The following TRMT112 variants were observed in gnomAD, a reference collection of about 807,000 sequenced individuals.
The protein encoded by TRMT112 is multifunctional methyltransferase subunit TRM112-like protein.
A neutral mutation model predicts 13.8 loss-of-function variants in TRMT112; 9 were observed. That is an observed-to-expected ratio of 0.65 (90% CI 0.39 to 1.14). The LOEUF (loss-of-function observed/expected upper bound fraction) is 1.14, where lower values mean the gene tolerates loss of function less well. Ranked by LOEUF, TRMT112 falls within the 50% of genes most tolerant of loss-of-function variation. The pLI is 0.01. For synonymous variants in TRMT112, 64 were observed against 67.0 expected (o/e 0.96, Z 0.22); for missense variants, 196 against 165.5 (o/e 1.18, Z -1.01).
At position 64,317,463 on chromosome 11, in the gene TRMT112, G is replaced by A; in HGVS notation, c.64C>T (p.Pro22Ser). 2 of 1,610,074 alleles carry A rather than the reference G, an allele frequency of 1.2e-6. No homozygotes were observed. Among genetic ancestry groups the A allele is most frequent in the Non-Finnish European group, 8.5e-7 (1 of 1,178,048 alleles). Residue 22 changes from proline (P) to serine (S), a missense_variant, in exon 1 of 4, where the codon CCC becomes TCC. Physicochemically the swap from Pro to Ser is moderately conservative, Grantham distance 74. Transcript: ENST00000544844. ...HVRGVGSRGF[P>S]LRLQATEVRI... ...CCGGCGGGTACCTGGAGGCGCAGGG[G>A]GAAGCCACGGGACCCCACCCCCCGC...
intron 3 of TRMT112, 26 bp from the exon 4 acceptor site, chr11:64,316,994 A>G (rs763377962): frequency 1.2e-6 from 2 of 1,610,708 alleles, no homozygotes. Context: ...GACAGAGCTG[A>G]GCACTGGCAG....
At position 64,317,118 on chromosome 11, in the gene TRMT112, C is replaced by T. The variant is rs1042301615; in HGVS notation, c.210G>A (p.Pro70=). The T allele has an allele frequency of 1.2e-6, 2 of 1,614,172 alleles. No individual in the cohort carries two copies. Among genetic ancestry groups the T allele is most frequent in the African/African-American group, 1.3e-5 (1 of 75,028 alleles). ...NLRLIQVPKG[P]VEGYEENEEF... The stretch of plus-strand genomic sequence containing the variant: ...CCTCATTCTCCTCATATCCCTCAAC[C>T]GGCCCTTTCGGCACCTGGATCAGAC... The change falls in exon 3 of 4, where the codon CCG becomes CCA. Residue 70 remains proline, a synonymous_variant. Coordinates refer to ENST00000544844, the MANE Select transcript of TRMT112 (RefSeq NM_016404.3).
chr11:64,317,977 T>C (rs1003850845), upstream of TRMT112: 57 of 1,401,296 alleles, frequency 4.1e-5, no homozygotes, highest in Non-Finnish European at 4.4e-5. Context: ...TATATGCAAA[T>C]TAGCTGCTCC....
upstream of TRMT112, chr11:64,318,132 T>C: frequency 6.4e-7 from 1 of 1,564,702 alleles, no homozygotes; most frequent in Non-Finnish European, 8.6e-7. Context: ...TTCCGCAGGG[T>C]GTCGCCGCTG....
At position 64,316,589 on chromosome 11, in the gene TRMT112, T is replaced by G; in HGVS notation, c.*272A>C. 2.5e-6 allele frequency: 1 copy of G among 406,872 alleles called. No homozygotes were observed. The highest frequency in any genetic ancestry group is 4.5e-6 in the Non-Finnish European group (1 of 222,094). The allele number at this position is 406,872 out of a possible 1,614,324, so 25.2% of individuals were successfully genotyped here. A position where few individuals can be genotyped will look rare whatever the true frequency, so the allele number is the denominator to read the frequency against. ...CAATAACACTATATTTATTTTTGGG[T>G]TTGGCCAGGGAGGCGCAGGGACATG... On this transcript the variant is annotated 3_prime_UTR_variant, in exon 4 of 4. Transcript: ENST00000544844.
Position 64,317,486 on chromosome 11 carries a change from C to G in TRMT112, c.41G>C (p.Arg14Pro), listed in dbSNP as rs535716108. The G allele has an allele frequency of 3.2e-5, 51 of 1,605,922 alleles. No homozygotes were observed. Among genetic ancestry groups the G allele is most frequent in the Admixed American group, 2.5e-4 (15 of 58,848 alleles). ...LTHNLLSSHVRGVGSRGFPLR... is the reference protein window; with the variant it reads ...LTHNLLSSHVPGVGSRGFPLR... ...GGGGAAGCCACGGGACCCCACCCCC[C>G]GCACATGCGAGCTCAGCAGATTGTG... The change falls in exon 1 of 4, where the codon CGG (arginine) becomes CCG (proline). Residue 14 changes from arginine (R) to proline (P), a missense_variant. Coordinates refer to ENST00000544844, the MANE Select transcript of TRMT112 (RefSeq NM_016404.3).
At chr11:64,317,767 GC>G, upstream of TRMT112, 1 of 761,752 alleles carries the variant, frequency 1.3e-6, no homozygotes, top group Non-Finnish European at 2.0e-6. Flanking sequence ...GCTTTTTTTT[GC>G]CACAAATTCT....
intron 3 of TRMT112, 35 bp downstream of exon 3, chr11:64,317,023 G>A (rs777476927): frequency 1.3e-5 from 21 of 1,613,546 alleles, no homozygotes; most frequent in Middle Eastern, 1.6e-4. Flanking sequence ...CGGGAGGCAG[G>A]TGGCCCGGGA....
chr11:64,318,112 CA>C, upstream of TRMT112: 2 of 1,519,726 alleles, frequency 1.3e-6, no homozygotes, highest in Non-Finnish European at 1.8e-6. Flanking sequence ...GGAGGCGGCC[CA>C]GGCCCGCCTT....
At chr11:64,317,622 C>A, upstream of TRMT112, 2 of 1,314,858 alleles carry the variant, frequency 1.5e-6, no homozygotes, top group Non-Finnish European at 2.1e-6. Context: ...ATTGGATAGC[C>A]AGGAGAACCG....
chr11:64,317,210 G>T, intron 2 of TRMT112, 54 bp downstream of exon 2: 7 of 1,610,036 alleles, frequency 4.3e-6, no homozygotes, highest in Non-Finnish European at 5.9e-6. Context: ...CCCGGCTGAG[G>T]TGTGCCCGCC....
In TRMT112 at chr11:64,317,344, G is replaced by T. The variant is rs2035320350; in HGVS notation, c.100C>A (p.Pro34Thr). Residue 34 changes from proline (P) to threonine (T), a missense_variant, in exon 2 of 4, where the codon CCT (proline) becomes ACT (threonine). Transcript: ENST00000544844. The stretch of plus-strand genomic sequence containing the variant: ...ACGAAGTTGGGGTTGAATTCCACAG[G>T]GCAGATACGGACCTCGGTGGCCTGC... ...RLQATEVRICPVEFNPNFVAR... is the reference protein window; with the variant it reads ...RLQATEVRICTVEFNPNFVAR... 1.2e-6 allele frequency: 2 copies of T among 1,614,040 alleles called. No individual in the cohort carries two copies. The highest frequency in any genetic ancestry group is 1.3e-5 in the African/African-American group (1 of 74,922).
upstream of TRMT112, chr11:64,317,673 CTG>C (rs2035340821): frequency 1.1e-6 from 1 of 945,800 alleles, no homozygotes; most frequent in African/African-American, 1.7e-5. Context: ...TTTGTGGGAG[CTG>C]AGGTAGGTAG....
rs530548412 is a variant in TRMT112 at position 64,317,328 on chromosome 11, G to A, written c.116C>T (p.Pro39Leu). Reference protein sequence around the residue: ...EVRICPVEFNPNFVARMIPKV... With the variant: ...EVRICPVEFNLNFVARMIPKV... ...AGGTATCATACGCGCCACGAAGTTG[G>A]GGTTGAATTCCACAGGGCAGATACG... Residue 39 changes from proline (P) to leucine (L), a missense_variant, in exon 2 of 4, where the codon CCC (proline) becomes CTC (leucine). Transcript: ENST00000544844. 2 of 1,614,144 alleles carry A rather than the reference G, an allele frequency of 1.2e-6. No homozygotes were observed. The highest frequency in any genetic ancestry group is 1.1e-5 in the South Asian group (1 of 91,080).
chr11:64,318,150 A>AGCGGTGCCCCGCCTGCT (rs1248502197), upstream of TRMT112: 14 of 1,597,066 alleles, frequency 8.8e-6, no homozygotes, highest in Non-Finnish European at 1.2e-5. Context: ...CTGTGCCGCT[A>AGCGGTGCCCCGCCTGCT]GCGGTGCCCC....
At chr11:64,317,636 G>GA, upstream of TRMT112, 1 of 1,215,754 alleles carries the variant, frequency 8.2e-7, no homozygotes, top group Non-Finnish European at 1.1e-6. Flanking sequence ...AGAACCGGAA[G>GA]TGGCGAACTT....
upstream of TRMT112, chr11:64,318,459 G>T: frequency 6.6e-7 from 1 of 1,520,944 alleles, no homozygotes; most frequent in Non-Finnish European, 8.8e-7. Context: ...TAGTCTGAGA[G>T]TATCGCTTTA....
At chr11:64,317,179 C>A in intron 2 of TRMT112, 32 bp from the exon 3 acceptor site, 2 of 1,612,546 alleles carry the variant, frequency 1.2e-6, no homozygotes, top group Non-Finnish European at 1.7e-6. Context: ...TATCTCCGGG[C>A]ATCCCGAACT....
rs371811984 is a variant in TRMT112, at chr11:64,317,559, G to A, written c.-33C>T. The A allele has an allele frequency of 2.7e-6, 4 of 1,509,218 alleles. No individual in the cohort carries two copies. The highest frequency in any genetic ancestry group is 2.4e-5 in the East Asian group (1 of 41,332). 93.5% of individuals were successfully genotyped at this position (1,509,218 alleles called of 1,614,324 possible). A position where few individuals can be genotyped will look rare whatever the true frequency, so the allele number is the denominator to read the frequency against. ...CACAAACTCTCGCCAGGCCGGAACC[G>A]GAAAAAGGTCGTCCTCCGCTGCCTC... On this transcript the variant is annotated 5_prime_UTR_variant, in exon 1 of 4. Coordinates refer to ENST00000544844, the MANE Select transcript of TRMT112 (RefSeq NM_016404.3).
Sources: allele counts gnomAD v4.1 joint callset, GRCh38; gene constraint gnomAD v4.1.1; transcripts MANE v1.5; gene names NCBI Gene and HGNC (gene_info 2026-07-23, HGNC 2026-07-21).